NPAS3: variants seen among roughly 807,000 people sequenced by gnomAD.
The protein encoded by NPAS3 is neuronal PAS domain protein 3.
In NPAS3, 14 loss-of-function variants were observed where a neutral mutation model predicts 73.1. The ratio of observed to expected loss-of-function variants is 0.19; its 90% CI spans 0.13 to 0.30. NPAS3 has a LOEUF of 0.30. NPAS3 is among the 10% of genes least tolerant of loss of function. The pLI is 1.00. For synonymous variants in NPAS3, 620 were observed against 541.5 expected (o/e 1.14, Z -2.01); for missense variants, 1,096 against 1,250.0 (o/e 0.88, Z 1.86).
At chr14:33,643,803 CTGTCTGTA>C (rs1167952539) in intron 5 of NPAS3, among the ~76,000 whole-genome samples, 1 of 152,142 alleles carries the variant, frequency 6.6e-6, no homozygotes, top group Non-Finnish European at 1.5e-5. Flanking sequence ...TTTCTCTCTG[CTGTCTGTA>C]GAATTTTTCA....
At chr14:33,475,207 T>G (rs1188327991) in intron 4 of NPAS3, among the ~76,000 whole-genome samples, 2 of 152,170 alleles carry the variant, frequency 1.3e-5, no homozygotes, top group Non-Finnish European at 2.9e-5. Flanking sequence ...AGAGAAGGCC[T>G]CAGATTGAAT....
chr14:33,213,200 C>A (rs2047100737), intron 2 of NPAS3, among the ~76,000 whole-genome samples: 1 of 151,022 alleles, frequency 6.6e-6, no homozygotes, highest in Non-Finnish European at 1.5e-5. Flanking sequence ...GAGTTCGTAA[C>A]CCCTGCTCTA....
At chr14:33,209,451 G>C (rs2046951099) in intron 2 of NPAS3, among the ~76,000 whole-genome samples, 1 of 152,132 alleles carries the variant, frequency 6.6e-6, no homozygotes, top group Admixed American at 6.6e-5. Context: ...TCCTCATTCG[G>C]CTCATGTTAG....
At chr14:33,285,769 C>T (rs889181705) in intron 3 of NPAS3, among the ~76,000 whole-genome samples, 3 of 152,202 alleles carry the variant, frequency 2.0e-5, no homozygotes, top group African/African-American at 7.2e-5. Context: ...GATTACTCCC[C>T]ATTCCCCTAC....
chr14:33,559,738 G>T (rs1287084343), intron 4 of NPAS3, among the ~76,000 whole-genome samples: 1 of 152,230 alleles, frequency 6.6e-6, no homozygotes, highest in Non-Finnish European at 1.5e-5. Context: ...ATTCAGCGTG[G>T]CCGGGCGCGG....
Position 33,231,947 on chromosome 14 carries a change from C to T in NPAS3, c.385+16521C>T, listed in dbSNP as rs530392360. ...CAAAAAGCAAGAAAAACTCAAAAAT[C>T]ATTTTCTATAAATGCTTATCTATTA... On this transcript the variant is annotated intron_variant, in intron 3 of 11. Coordinates refer to ENST00000356141, the Ensembl canonical transcript of NPAS3. Among the ~76,000 whole-genome samples the T allele has an allele frequency of 1.7e-3, 261 of 152,264 alleles. 1 individual carries two copies. Among genetic ancestry groups the T allele is most frequent in the African/African-American group, 5.8e-3 (242 of 41,548 alleles).
At chr14:33,240,974 T>C (rs2139828334) in intron 3 of NPAS3, among the ~76,000 whole-genome samples, 1 of 152,058 alleles carries the variant, frequency 6.6e-6, no homozygotes, top group South Asian at 2.1e-4. Flanking sequence ...AGACCACTAA[T>C]GAAGATGTTA....
chr14:33,728,409 G>GATTCACAAC (rs2061325844), intron 6 of NPAS3, among the ~76,000 whole-genome samples: 1 of 152,012 alleles, frequency 6.6e-6, no homozygotes, highest in Non-Finnish European at 1.5e-5. Flanking sequence ...TGATTCACAA[G>GATTCACAAC]TTTCTAAACA....
At chr14:33,525,610 A>G (rs551514972) in intron 4 of NPAS3, among the ~76,000 whole-genome samples, 2 of 152,280 alleles carry the variant, frequency 1.3e-5, no homozygotes, top group African/African-American at 4.8e-5. Context: ...TCTTTGAGTC[A>G]CTGAAAGAAT....
chr14:33,147,889 T>C (rs905238263), intron 2 of NPAS3, among the ~76,000 whole-genome samples: 1 of 151,580 alleles, frequency 6.6e-6, no homozygotes, highest in Non-Finnish European at 1.5e-5. Context: ...AGTAAGAAAA[T>C]TTTCACTTCA....
intron 3 of NPAS3, among the ~76,000 whole-genome samples, chr14:33,315,180 G>A (rs552137473): frequency 8.5e-5 from 13 of 152,134 alleles, no homozygotes; most frequent in South Asian, 4.2e-4. Context: ...GAAAAGCCAC[G>A]CTGGTGGGTT....
intron 6 of NPAS3, among the ~76,000 whole-genome samples, chr14:33,716,399 TCATC>T (rs1281024152): frequency 6.6e-6 from 1 of 152,216 alleles, no homozygotes; most frequent in Non-Finnish European, 1.5e-5. Flanking sequence ...TATTTTCTTT[TCATC>T]TGTTTTTTGT....
chr14:33,399,367 A>C (rs1272648911), intron 4 of NPAS3, among the ~76,000 whole-genome samples: 2 of 152,182 alleles, frequency 1.3e-5, no homozygotes, highest in Middle Eastern at 3.4e-3. Context: ...CTTCCGGTAG[A>C]ACAAGGTAAG....
intron 4 of NPAS3, among the ~76,000 whole-genome samples, chr14:33,517,741 C>T (rs1032967076): frequency 6.6e-5 from 10 of 152,070 alleles, no homozygotes; most frequent in Admixed American, 1.3e-4. Flanking sequence ...ATTAAATCAC[C>T]GTTACATACT....
At chr14:33,178,372 C>A (rs544093365) in intron 2 of NPAS3, among the ~76,000 whole-genome samples, 4 of 152,022 alleles carry the variant, frequency 2.6e-5, no homozygotes, top group Non-Finnish European at 5.9e-5. Flanking sequence ...CGCACCCGGC[C>A]GAAGTGAATC....
chr14:33,258,145 C>A (rs2048844472), intron 3 of NPAS3, among the ~76,000 whole-genome samples: 2 of 152,014 alleles, frequency 1.3e-5, no homozygotes, highest in African/African-American at 2.4e-5. Context: ...CTTTGTAATC[C>A]CAGCACTTTG....
intron 5 of NPAS3, among the ~76,000 whole-genome samples, chr14:33,625,638 C>T (rs947787150): frequency 2.0e-5 from 3 of 152,090 alleles, no homozygotes; most frequent in South Asian, 2.1e-4. Flanking sequence ...ATGAAATAAG[C>T]GGTTAGATAT....
In NPAS3 at chr14:33,211,482, A is replaced by G. The variant is rs2047032707; in HGVS notation, c.141-3700A>G. Among the ~76,000 whole-genome samples the G allele has an allele frequency of 2.6e-5, 4 of 152,104 alleles. No individual in the cohort carries two copies. In the South Asian group the frequency reaches 8.3e-4, roughly 32 times the overall value. On this transcript the variant is annotated intron_variant, in intron 2 of 11. Transcript: ENST00000356141. ...GGCAGGAGAACCACTTGAACCTGGG[A>G]GGTGGAGGTTGCAGTGAGCCAAGAT...
At position 33,396,030 on chromosome 14, in the gene NPAS3, G is replaced by C. The variant is rs1429963523; in HGVS notation, c.468+28762G>C. Among the ~76,000 whole-genome samples, 7 of 152,120 alleles carry C rather than the reference G, an allele frequency of 4.6e-5. 1 individual carries two copies. Among genetic ancestry groups the C allele is most frequent in the Non-Finnish European group, 1.5e-5 (1 of 68,010 alleles). ...CCCATTCCCTCCAGCCCCACCCAAA[G>C]TAGTCAGGACATCCAATTAACCTTT... On this transcript the variant is annotated intron_variant, in intron 4 of 11. Coordinates refer to ENST00000356141, the Ensembl canonical transcript of NPAS3.
Sources: allele counts gnomAD v4.1 joint callset (sites outside exome capture counted in the v4.1 genomes callset), GRCh38; gene constraint gnomAD v4.1.1; transcripts MANE v1.5; gene names NCBI Gene and HGNC (gene_info 2026-07-23, HGNC 2026-07-21).